WFDC3: variants seen among roughly 807,000 people sequenced by gnomAD.
WFDC3 encodes WAP four-disulfide core domain protein 3.
A neutral mutation model predicts 25.8 loss-of-function variants in WFDC3; 15 were observed. That is an observed-to-expected ratio of 0.58 (90% CI 0.39 to 0.89). The LOEUF is 0.89. Ranked by LOEUF, WFDC3 falls within the 40% of genes least tolerant of loss-of-function variation. WFDC3 has a pLI of 0.00. For synonymous variants in WFDC3, 103 were observed against 107.1 expected (o/e 0.96, Z 0.24); for missense variants, 264 against 289.8 (o/e 0.91, Z 0.65).
chr20:45,775,465 T>G lies in WFDC3; in HGVS notation c.631A>C (p.Lys211Gln). 6.2e-7 allele frequency: 1 copy of G among 1,614,174 alleles called. No individual in the cohort carries two copies. Among genetic ancestry groups the G allele is most frequent in the South Asian group, 1.1e-5 (1 of 91,080 alleles). ...RFCVPPVLPPKLTMNPNWTVR... is the reference protein window; with the variant it reads ...RFCVPPVLPPQLTMNPNWTVR... ...GTCCAGTTGGGGTTCATGGTCAGTT[T>G]TGGGGGCAGGACTGGTGGGACACAG... is the stretch of plus-strand genomic sequence containing the variant. Residue 211 changes from lysine to glutamine, a missense_variant, in exon 6 of 7, where the codon AAA becomes CAA. Transcript: ENST00000243938.
intron 4 of WFDC3, among the ~76,000 whole-genome samples, chr20:45,787,530 A>C (rs1980738997): frequency 6.6e-6 from 1 of 151,700 alleles, no homozygotes; most frequent in South Asian, 2.1e-4. Flanking sequence ...TGACCTCGTG[A>C]TCCGCCCGCC....
chr20:45,791,114 T>C (rs1482455458), intron 1 of WFDC3, among the ~76,000 whole-genome samples: 1 of 149,486 alleles, frequency 6.7e-6, no homozygotes, highest in Non-Finnish European at 1.5e-5. Context: ...GTTAGAAGGC[T>C]GATGTTGGCT....
Position 45,787,154 on chromosome 20 carries a change from C to T in WFDC3, c.358+682G>A, listed in dbSNP as rs920437123. Among the ~76,000 whole-genome samples the T allele has an allele frequency of 8.5e-5, 11 of 129,084 alleles. No homozygotes were observed. The Admixed American group carries it at 8.8e-4, about 10-fold the overall frequency. 84.7% of individuals were successfully genotyped at this position (129,084 alleles called of 152,430 possible). On this transcript the variant is annotated intron_variant, in intron 4 of 6. Coordinates refer to ENST00000243938, the MANE Select transcript of WFDC3 (RefSeq NM_080614.2). ...AGCAAATGAGTGGGGAAATGTGTGC[C>T]ACCTTCCATAGGCATCAAGATTCTT...
chr20:45,785,545 C>T (rs929942229), intron 4 of WFDC3, among the ~76,000 whole-genome samples: 2 of 151,160 alleles, frequency 1.3e-5, no homozygotes, highest in Non-Finnish European at 2.9e-5. Context: ...AACAGCAGTT[C>T]TCCTTAAGCT....
chr20:45,776,610 AAAGAAAAAAAAGAAAAAAAAAAAAAAT>A (rs1568697327), intron 5 of WFDC3, among the ~76,000 whole-genome samples: 2 of 53,054 alleles, frequency 3.8e-5, no homozygotes, highest in Non-Finnish European at 7.3e-5. Context: ...AAAAAAAAAA[AAAGAAAAAAAAGAAAAAAAAAAAAAAT>A]ATATATATAT....
intron 4 of WFDC3, among the ~76,000 whole-genome samples, chr20:45,785,439 T>G (rs1980624736): frequency 7.0e-6 from 1 of 143,794 alleles, no homozygotes; most frequent in Non-Finnish European, 1.5e-5. Context: ...ACTGTACTCC[T>G]GCCTGGGCGA....
rs1024609490 is a variant in WFDC3, at chr20:45,775,723, A to C, written c.494-121T>G. On this transcript the variant is annotated intron_variant, in intron 5 of 6. Transcript: ENST00000243938. ...TCAACCCCTGACCCTCACTAGACCC[A>C]ACTAAACTGGCTGGGAAACCATGGC... 4 of 1,265,844 alleles carry C rather than the reference A, an allele frequency of 3.2e-6. No individual in the cohort carries two copies. In the African/African-American group the frequency reaches 6.0e-5, roughly 19 times the overall value. 78.4% of individuals were successfully genotyped at this position (1,265,844 alleles called of 1,614,324 possible). A position where few individuals can be genotyped will look rare whatever the true frequency, so the allele number is the denominator to read the frequency against.
intron 4 of WFDC3, among the ~76,000 whole-genome samples, chr20:45,782,238 T>C (rs73122735): frequency 0.044 from 6,722 of 152,244 alleles, 147 homozygotes; most frequent in Middle Eastern, 0.099. Flanking sequence ...ACCACCCTTC[T>C]TGATACCCCG....
intron 4 of WFDC3, among the ~76,000 whole-genome samples, chr20:45,787,482 G>A (rs751816990): frequency 4.0e-5 from 6 of 151,614 alleles, no homozygotes; most frequent in Middle Eastern, 6.8e-3. Flanking sequence ...TAGTAGAGAC[G>A]GAGTTTCGCC....
At chr20:45,789,182 T>TCTCATTCTGTCACCCAG in intron 2 of WFDC3, 123 bp from the exon 3 acceptor site, 1 of 1,321,904 alleles carries the variant, frequency 7.6e-7, no homozygotes, top group Non-Finnish European at 1.0e-6. Context: ...CTAGCCTGGG[T>TCTCATTCTGTCACCCAG]GACAGAATGA....
chr20:45,780,189 A>C (rs1211126271), intron 4 of WFDC3, among the ~76,000 whole-genome samples: 1 of 149,548 alleles, frequency 6.7e-6, no homozygotes, highest in African/African-American at 2.5e-5. Context: ...CAATCCTCCA[A>C]CCTCAGCCTC....
In WFDC3 at chr20:45,775,458, G is replaced by C. The variant is rs1256126745; in HGVS notation, c.638C>G (p.Thr213Ser). The C allele has an allele frequency of 1.2e-6, 2 of 1,614,206 alleles. No individual in the cohort carries two copies. The highest frequency in any genetic ancestry group is 1.7e-6 in the Non-Finnish European group (2 of 1,180,038). Residue 213 changes from threonine to serine, a missense_variant, in exon 6 of 7, where the codon ACC (threonine) becomes AGC (serine). By Grantham distance (58) the Thr-to-Ser change is moderately conservative. Coordinates refer to ENST00000243938, the MANE Select transcript of WFDC3 (RefSeq NM_080614.2). ...CCTCACAGTCCAGTTGGGGTTCATG[G>C]TCAGTTTTGGGGGCAGGACTGGTGG... Reference protein sequence around the residue: ...CVPPVLPPKLTMNPNWTVRSD... With the variant: ...CVPPVLPPKLSMNPNWTVRSD...
rs1425081393 is a variant in WFDC3 at position 45,777,171 on chromosome 20, A to T, written c.397T>A (p.Cys133Ser). ...GCATCCCCATCACACAGCTCCTCAC[A>T]CGGAAGGGGGTCAGCGGGACATTCA... The part of the protein sequence containing the change: ...GGECPADPLP[C>S]EELCDGDASC... Residue 133 changes from cysteine (C) to serine (S), a missense_variant, in exon 5 of 7, where the codon TGT becomes AGT. Transcript: ENST00000243938. 6.3e-7 allele frequency: 1 copy of T among 1,597,710 alleles called. No individual in the cohort carries two copies. Among genetic ancestry groups the T allele is most frequent in the Non-Finnish European group, 8.5e-7 (1 of 1,171,874 alleles).
In WFDC3 at chr20:45,774,293, C is replaced by T. The variant is rs898530523; in HGVS notation, c.*135G>A. On this transcript the variant is annotated 3_prime_UTR_variant, in exon 7 of 7. Transcript: ENST00000243938. ...GGGCTATTTCCCATGCTCTGGTCAG[C>T]GGCAGGAGGAGAAGCAGAGCAGAGA... The T allele has an allele frequency of 1.9e-5, 23 of 1,208,196 alleles. 1 individual carries two copies. Among genetic ancestry groups the T allele is most frequent in the Middle Eastern group, 2.3e-4 (1 of 4,314 alleles). 74.8% of individuals were successfully genotyped at this position (1,208,196 alleles called of 1,614,324 possible).
chr20:45,776,621 AGAAAAAAAAAAAAAATAT>A (rs1236427637), intron 5 of WFDC3, among the ~76,000 whole-genome samples: 53 of 77,844 alleles, frequency 6.8e-4, no homozygotes, highest in African/African-American at 2.4e-3. Flanking sequence ...AAGAAAAAAA[AGAAAAAAAAAAAAAATAT>A]ATATATATAT....
At chr20:45,775,255 G>A (rs1325509960) in intron 6 of WFDC3, among the ~76,000 whole-genome samples, 162 bp downstream of exon 6, 2 of 152,202 alleles carry the variant, frequency 1.3e-5, no homozygotes, top group African/African-American at 4.8e-5. Flanking sequence ...GAGAACAGGT[G>A]TAAGCCTGTA....
At chr20:45,785,527 A>G (rs766786865) in intron 4 of WFDC3, among the ~76,000 whole-genome samples, 39 of 152,054 alleles carry the variant, frequency 2.6e-4, no homozygotes, top group Admixed American at 8.5e-4. Context: ...AAGATTCAAC[A>G]TTATAATAAC....
At chr20:45,787,698 T>TTC in intron 4 of WFDC3, 138 bp downstream of exon 4, 1 of 1,175,344 alleles carries the variant, frequency 8.5e-7, no homozygotes, top group Non-Finnish European at 1.1e-6. Flanking sequence ...TTATGGCTTG[T>TTC]GCACCCTTTG....
chr20:45,783,068 A>G (rs535620915), intron 4 of WFDC3, among the ~76,000 whole-genome samples: 1 of 85,640 alleles, frequency 1.2e-5, no homozygotes, highest in Non-Finnish European at 2.6e-5. Context: ...CCTGTCTGTC[A>G]CACTATATGA....
Sources: allele counts gnomAD v4.1 joint callset (sites outside exome capture counted in the v4.1 genomes callset), GRCh38; gene constraint gnomAD v4.1.1; transcripts MANE v1.5; gene names NCBI Gene and HGNC (gene_info 2026-07-23, HGNC 2026-07-21).